ATP8A1: variants seen among roughly 807,000 people sequenced by gnomAD.
ATP8A1 encodes the protein ATPase phospholipid transporting 8A1.
ATP8A1 carries 90 observed loss-of-function variants against 177.7 expected under a neutral mutation model. That is an observed-to-expected ratio of 0.51 (90% CI 0.43 to 0.60). The LOEUF is 0.60. Ranked by LOEUF, ATP8A1 falls within the 20% of genes least tolerant of loss-of-function variation. The pLI is 0.00. For synonymous variants in ATP8A1, 493 were observed against 485.9 expected, an observed-to-expected ratio of 1.01 and a Z score of -0.19; for missense variants, 1,072 against 1,392.8, an observed-to-expected ratio of 0.77 and a Z score of 3.67.
Position 42,594,057 on chromosome 4 carries a change from G to A in ATP8A1, c.451-3173C>T, listed in dbSNP as rs370607855. Reference sequence around the variant, plus strand: ...AGATCTGGATAGATCCAGAGGGAGAGTAGACTCTTAATTATATTTGAATGA... The same window carrying A: ...AGATCTGGATAGATCCAGAGGGAGAATAGACTCTTAATTATATTTGAATGA... On this transcript the variant is annotated intron_variant, in intron 6 of 36. Transcript: ENST00000381668. 6.6e-5 allele frequency among the ~76,000 whole-genome samples: 10 copies of A among 152,182 alleles called. No homozygotes were observed. In the South Asian group the frequency reaches 2.1e-3, roughly 32 times the overall value.
chr4:42,574,716 G>A lies in ATP8A1; in HGVS notation c.1207-9C>T. 1.3e-6 allele frequency: 2 copies of A among 1,576,886 alleles called. No individual in the cohort carries two copies. Among genetic ancestry groups the A allele is most frequent in the Non-Finnish European group, 1.7e-6 (2 of 1,162,052 alleles). On this transcript the variant is annotated splice_polypyrimidine_tract_variant and intron_variant, in intron 13 of 36. Transcript: ENST00000381668. The stretch of plus-strand genomic sequence containing the variant: ...GAAAATATGTATTTAACCTAAAAAA[G>A]TTTAAAATTTCTCATTAATATTTTG...
At chr4:42,628,868 T>C (rs73166562) in intron 1 of ATP8A1, among the ~76,000 whole-genome samples, 3,381 of 152,166 alleles carry the variant, frequency 0.022, 126 homozygotes, top group African/African-American at 0.075. Context: ...TGTTCTCAGG[T>C]TGTGTTGTAT....
chr4:42,639,949 G>A (rs545721782), intron 1 of ATP8A1, among the ~76,000 whole-genome samples: 1 of 152,284 alleles, frequency 6.6e-6, no homozygotes, highest in African/African-American at 2.4e-5. Context: ...CACGTCATTT[G>A]CATGGATTCA....
intron 24 of ATP8A1, among the ~76,000 whole-genome samples, chr4:42,490,532 T>TA (rs1722643411): frequency 1.3e-5 from 2 of 152,188 alleles, no homozygotes; most frequent in East Asian, 3.9e-4. Flanking sequence ...TGAGAACATT[T>TA]ATACATTTAT....
intron 5 of ATP8A1, among the ~76,000 whole-genome samples, chr4:42,611,637 A>AT (rs1560517506): frequency 6.6e-6 from 1 of 151,968 alleles, no homozygotes; most frequent in Non-Finnish European, 1.5e-5. Context: ...CCATGTTGTG[A>AT]TTTTAGATGA....
chr4:42,598,261 A>C (rs1734908569), intron 6 of ATP8A1, among the ~76,000 whole-genome samples: 1 of 152,138 alleles, frequency 6.6e-6, no homozygotes, highest in Admixed American at 6.6e-5. Context: ...CTATTTCTTA[A>C]AACTGCTAAT....
At position 42,622,475 on chromosome 4, in the gene ATP8A1, C is replaced by T. The variant is rs916452733; in HGVS notation, c.363+2061G>A. Among the ~76,000 whole-genome samples, 4 of 152,158 alleles carry T rather than the reference C, an allele frequency of 2.6e-5. No individual in the cohort carries two copies. The East Asian group carries it at 7.7e-4, about 29-fold the overall frequency. On this transcript the variant is annotated intron_variant, in intron 4 of 36. Transcript: ENST00000381668. Reference sequence around the variant, plus strand: ...AAAACCTAGGCACTACTATTCAGGACATAGGCATGGGCAAAGATTTCATGA... The same window carrying T: ...AAAACCTAGGCACTACTATTCAGGATATAGGCATGGGCAAAGATTTCATGA...
intron 20 of ATP8A1, among the ~76,000 whole-genome samples, chr4:42,530,107 TCAGCCTCTTTCCC>T (rs1727112883): frequency 1.3e-5 from 2 of 152,284 alleles, no homozygotes; most frequent in South Asian, 4.1e-4. Flanking sequence ...TGGACACCAC[TCAGCCTCTTTCCC>T]CAGCCACCCC....
chr4:42,522,546 C>T (rs1446959632), intron 21 of ATP8A1, among the ~76,000 whole-genome samples: 1 of 152,148 alleles, frequency 6.6e-6, no homozygotes, highest in Non-Finnish European at 1.5e-5. Context: ...CATAGTGTGG[C>T]GTTTCTAAAA....
chr4:42,581,039 G>C (rs774333041), intron 10 of ATP8A1, among the ~76,000 whole-genome samples: 33 of 152,206 alleles, frequency 2.2e-4, no homozygotes, highest in Non-Finnish European at 4.0e-4. Context: ...ATAATAGTTA[G>C]TAAATGCTGC....
rs116314624 is a variant in ATP8A1, at chr4:42,594,864, A to G, written c.451-3980T>C. 4.2e-3 allele frequency among the ~76,000 whole-genome samples: 644 copies of G among 152,266 alleles called. 8 individuals carry two copies. Among genetic ancestry groups the G allele is most frequent in the African/African-American group, 0.014 (597 of 41,562 alleles). ...AGTTGAAGAGCTTAGACTCAAATCC[A>G]CATTTGACTGTCTGCAAATCCTGAT... On this transcript the variant is annotated intron_variant, in intron 6 of 36. Transcript: ENST00000381668.
intron 33 of ATP8A1, among the ~76,000 whole-genome samples, chr4:42,434,153 C>A (rs1281898478): frequency 6.6e-6 from 1 of 151,858 alleles, no homozygotes; most frequent in Non-Finnish European, 1.5e-5. Context: ...ACTTAAAAGT[C>A]GCAGAAAAAT....
chr4:42,425,573 A>T (rs536772233), intron 33 of ATP8A1, among the ~76,000 whole-genome samples: 8 of 152,108 alleles, frequency 5.3e-5, no homozygotes, highest in Non-Finnish European at 8.8e-5. Context: ...AGGGGGGGAA[A>T]AATAAAATCC....
At chr4:42,618,841 A>G (rs900754141) in intron 4 of ATP8A1, among the ~76,000 whole-genome samples, 7 of 152,178 alleles carry the variant, frequency 4.6e-5, no homozygotes, top group Non-Finnish European at 4.4e-5. Flanking sequence ...TGCTGAGTCT[A>G]ATATATCTTC....
Position 42,656,949 on chromosome 4 carries a change from C to A in ATP8A1, c.-76G>T. 1 of 1,372,268 alleles carries A rather than the reference C, an allele frequency of 7.3e-7. No homozygotes were observed. The highest frequency in any genetic ancestry group is 9.6e-7 in the Non-Finnish European group (1 of 1,041,002). 85.0% of individuals were successfully genotyped at this position (1,372,268 alleles called of 1,614,324 possible). A position where few individuals can be genotyped will look rare whatever the true frequency, so the allele number is the denominator to read the frequency against. ...GGCGTGGTACACGCGGGAGACCCGG[C>A]TGCGCCGCGCAGAGCGCTCAGCTGC... On this transcript the variant is annotated 5_prime_UTR_variant, in exon 1 of 37. Coordinates refer to ENST00000381668, the MANE Select transcript of ATP8A1 (RefSeq NM_006095.2).
At chr4:42,435,460 A>AAAAAAAAAAAAAAAC (rs1560320624) in intron 33 of ATP8A1, among the ~76,000 whole-genome samples, 1 of 108,214 alleles carries the variant, frequency 9.2e-6, no homozygotes, top group African/African-American at 3.0e-5. Flanking sequence ...CAAAAAAAAA[A>AAAAAAAAAAAAAAAC]AAACAAACTA....
At chr4:42,510,777 A>G (rs1202885307) in intron 22 of ATP8A1, among the ~76,000 whole-genome samples, 4 of 152,220 alleles carry the variant, frequency 2.6e-5, no homozygotes, top group Non-Finnish European at 2.9e-5. Context: ...ACCTATAAAA[A>G]TAAAATGACT....
chr4:42,648,462 T>A (rs577181943), intron 1 of ATP8A1, among the ~76,000 whole-genome samples: 1 of 152,254 alleles, frequency 6.6e-6, no homozygotes, highest in South Asian at 2.1e-4. Context: ...GAAAGGATTA[T>A]TAAATATATG....
chr4:42,559,610 T>G (rs1213034196), intron 15 of ATP8A1, among the ~76,000 whole-genome samples: 1 of 152,246 alleles, frequency 6.6e-6, no homozygotes, highest in Non-Finnish European at 1.5e-5. Context: ...ATTCCAGTTC[T>G]AGGAATTTAT....
Sources: gnomAD v4.1 joint callset for allele counts (sites outside exome capture counted in the v4.1 genomes callset) on GRCh38, gnomAD v4.1.1 for gene constraint, MANE v1.5 for transcripts, NCBI Gene and HGNC (gene_info 2026-07-23, HGNC 2026-07-21) for gene names.